The following RMDN2 variants were observed in gnomAD, a reference collection of about 807,000 sequenced individuals.
RMDN2 encodes the protein regulator of microtubule dynamics 2, also known as regulator of microtubule dynamics protein 2.
Under a neutral mutation model 52.8 loss-of-function variants are expected in RMDN2, and 61 were observed. The observed-to-expected ratio is 1.16, with a 90% CI of 0.94 to 1.43. The LOEUF is 1.43. RMDN2 is among the 40% of genes most tolerant of loss of function. RMDN2 has a pLI of 0.00. For synonymous variants in RMDN2, 180 were observed against 153.1 expected (o/e 1.18, Z -1.30); for missense variants, 592 against 475.3 (o/e 1.25, Z -2.28).
chr2:37,970,926 AAG>A (rs1431454678), intron 2 of RMDN2, among the ~76,000 whole-genome samples: 1 of 152,112 alleles, frequency 6.6e-6, no homozygotes, highest in Non-Finnish European at 1.5e-5. Flanking sequence ...TCGAATTGTT[AAG>A]AGTTTTATAT....
downstream of RMDN2, among the ~76,000 whole-genome samples, chr2:38,020,948 A>C (rs1679319402): frequency 6.6e-6 from 1 of 152,200 alleles, no homozygotes; most frequent in Non-Finnish European, 1.5e-5. Context: ...TCTGGGATCC[A>C]CTGGGTGAAG....
At chr2:37,923,712 GTTAAAGA>G (rs1189788447), upstream of RMDN2, among the ~76,000 whole-genome samples, 3 of 152,178 alleles carry the variant, frequency 2.0e-5, no homozygotes, top group African/African-American at 4.8e-5. Context: ...AATCTGAGAG[GTTAAAGA>G]TTAATCTGCT....
chr2:37,975,726 C>G (rs1387944230), intron 4 of RMDN2, among the ~76,000 whole-genome samples: 1 of 152,068 alleles, frequency 6.6e-6, no homozygotes, highest in African/African-American at 2.4e-5. Flanking sequence ...TAGTAAATCA[C>G]TAGTGAATGT....
chr2:38,023,722 C>T (rs765581805), intron 10 of RMDN2, among the ~76,000 whole-genome samples: 7 of 152,180 alleles, frequency 4.6e-5, no homozygotes, highest in Non-Finnish European at 8.8e-5. Flanking sequence ...TGAAGCCCCT[C>T]AACCTATGTT....
At chr2:38,040,102 A>G (rs887398969) in intron 10 of RMDN2, among the ~76,000 whole-genome samples, 4 of 146,384 alleles carry the variant, frequency 2.7e-5, no homozygotes, top group South Asian at 4.4e-4. Context: ...TGGACATCCA[A>G]TTTTTCCAGT....
intron 2 of RMDN2, among the ~76,000 whole-genome samples, chr2:37,936,292 C>G (rs1667281558): frequency 1.3e-5 from 2 of 152,152 alleles, no homozygotes; most frequent in South Asian, 2.1e-4. Flanking sequence ...TTTATCCAGT[C>G]TATAATTGAT....
At position 38,045,675 on chromosome 2, in the gene RMDN2, C is replaced by T. The variant is rs186662252; in HGVS notation, c.1714-21307C>T. Among the ~76,000 whole-genome samples the T allele has an allele frequency of 3.2e-3, 485 of 152,298 alleles. 4 individuals carry two copies. Among genetic ancestry groups the T allele is most frequent in the South Asian group, 0.019 (90 of 4,824 alleles). ...AGAAGCATTAGTTAGAGTAAAATCA[C>T]TAAAGCTTAGCTAAGAATAGTGAGC... On this transcript the variant is annotated intron_variant, in intron 10 of 10. Transcript: ENST00000234195.
At chr2:37,921,919 A>C (rs1338320683), upstream of RMDN2, among the ~76,000 whole-genome samples, 1 of 152,166 alleles carries the variant, frequency 6.6e-6, no homozygotes, top group African/African-American at 2.4e-5. Flanking sequence ...GACTCAATAA[A>C]TGTTCCTGCT....
chr2:37,958,001 T>C (rs1669702285), intron 2 of RMDN2, among the ~76,000 whole-genome samples: 2 of 152,224 alleles, frequency 1.3e-5, no homozygotes, highest in Non-Finnish European at 2.9e-5. Context: ...TCCATTGGTC[T>C]ATATATCTGT....
At chr2:37,979,262 A>C (rs951968599) in intron 4 of RMDN2, among the ~76,000 whole-genome samples, 1 of 152,200 alleles carries the variant, frequency 6.6e-6, no homozygotes, top group African/African-American at 2.4e-5. Flanking sequence ...GAGAGGCATA[A>C]ATAAGATGAA....
chr2:37,974,194 C>T lies in RMDN2; in HGVS notation c.607C>T (p.Leu203Phe), dbSNP rs747403615. ...TGGCAAGTCGGAGAGTTTTGAACTA[C>T]TTCGTGACCACAAAGAAAAGGTAAG... ...ESGKSESFEL[L>F]RDHKEKFRDE... is the part of the protein sequence containing the mutation. The change falls in exon 3 of 11, where the codon CTT (leucine) becomes TTT (phenylalanine). Residue 203 changes from leucine to phenylalanine, a missense_variant. Physicochemically the swap from Leu to Phe is conservative, Grantham distance 22. Coordinates refer to ENST00000354545, the MANE Select transcript of RMDN2 (RefSeq NM_001170791.3). 6.2e-7 allele frequency: 1 copy of T among 1,610,964 alleles called. No homozygotes were observed. Among genetic ancestry groups the T allele is most frequent in the African/African-American group, 1.3e-5 (1 of 74,730 alleles).
Position 37,929,544 on chromosome 2 carries a change from CAA to C in RMDN2, c.269_270del (p.Lys90ArgfsTer7), listed in dbSNP as rs1188483802. On this transcript the variant is annotated frameshift_variant, in exon 2 of 11. Coordinates refer to ENST00000354545, the MANE Select transcript of RMDN2 (RefSeq NM_001170791.3). LOFTEE classifies it high-confidence loss of function. ...AATTACTGACAAATATGGAAGAACT[CAA>C]AGAGGAAATCAGATTTCTTAAAGAA... ...NELLTNMEEL[K>X]EEIRFLKEAI... 7 of 1,551,556 alleles carry C rather than the reference CAA, an allele frequency of 4.5e-6. No homozygotes were observed. In the South Asian group the frequency reaches 7.1e-5, roughly 16 times the overall value.
chr2:37,949,316 C>G (rs764118002), intron 2 of RMDN2, among the ~76,000 whole-genome samples: 25 of 152,168 alleles, frequency 1.6e-4, no homozygotes, highest in Non-Finnish European at 3.4e-4. Flanking sequence ...GCAGGTTTAG[C>G]AGATTTGCTT....
chr2:38,060,019 T>C (rs1681980190), intron 10 of RMDN2, among the ~76,000 whole-genome samples: 1 of 152,132 alleles, frequency 6.6e-6, no homozygotes, highest in Non-Finnish European at 1.5e-5. Flanking sequence ...TGCCTCAGCC[T>C]CCCGAGTAGC....
intron 8 of RMDN2, 33 bp downstream of exon 8, chr2:37,997,547 G>A (rs371436793): frequency 7.5e-7 from 1 of 1,333,116 alleles, no homozygotes; most frequent in Non-Finnish European, 1.1e-6. Context: ...TTTAGTGTCA[G>A]ACTGATTACC....
At chr2:38,047,455 A>G (rs1368809891) in intron 10 of RMDN2, among the ~76,000 whole-genome samples, 1 of 152,236 alleles carries the variant, frequency 6.6e-6, no homozygotes, top group African/African-American at 2.4e-5. Context: ...TACTACTGAT[A>G]CATGCTACAA....
At chr2:37,998,106 A>C (rs1479024842) in intron 8 of RMDN2, 1 of 152,224 alleles carries the variant, frequency 6.6e-6, no homozygotes, top group African/African-American at 2.4e-5. Context: ...AATGTATAAT[A>C]TAGCCACCCA....
intron 10 of RMDN2, among the ~76,000 whole-genome samples, chr2:38,013,320 A>G (rs1678269258): frequency 1.3e-5 from 2 of 152,252 alleles, no homozygotes; most frequent in Non-Finnish European, 2.9e-5. Flanking sequence ...AAGAGGTGCT[A>G]AACTGGTAAA....
rs1680273392 is a variant in RMDN2, at chr2:38,032,395, G to C, written c.1713+28179G>C. ...GTCTCCATTTGCTGAACATTTTTGA[G>C]ATTCATCTATGATATTGTATATATC... On this transcript the variant is annotated intron_variant, in intron 10 of 10. Coordinates refer to the RMDN2 transcript ENST00000234195. 2.0e-5 allele frequency among the ~76,000 whole-genome samples: 3 copies of C among 152,252 alleles called. No individual in the cohort carries two copies. The South Asian group carries it at 6.2e-4, about 32-fold the overall frequency.
Sources: gnomAD v4.1 joint callset for allele counts (sites outside exome capture counted in the v4.1 genomes callset) on GRCh38, gnomAD v4.1.1 for gene constraint, MANE v1.5 for transcripts, NCBI Gene and HGNC (gene_info 2026-07-23, HGNC 2026-07-21) for gene names.